Variants in ZNF131 observed in about 807,000 individuals in gnomAD.
ZNF131 encodes zinc finger and BTB domain containing 35, also known as zinc finger protein 131.
In ZNF131, 7 loss-of-function variants were observed where a neutral mutation model predicts 60.0. The observed-to-expected ratio is 0.12, with a 90% CI of 0.07 to 0.22. ZNF131 has a LOEUF of 0.22. Ranked by LOEUF, ZNF131 falls within the 10% of genes least tolerant of loss-of-function variation. The pLI is 1.00. For synonymous variants in ZNF131, 257 were observed against 253.2 expected (o/e 1.01, Z -0.14); for missense variants, 493 against 740.9 (o/e 0.67, Z 3.88).
At chr5:43,150,309 A>G (rs1748136063) in intron 4 of ZNF131, among the ~76,000 whole-genome samples, 2 of 152,216 alleles carry the variant, frequency 1.3e-5, no homozygotes, top group South Asian at 4.1e-4. Context: ...TGTACAGACA[A>G]CTTTGAAAAG....
In ZNF131 at chr5:43,122,728, A is replaced by G. The variant is rs1249576590; in HGVS notation, c.125-481A>G. ...CTGTTTAGCGAAAATAGGTTTCTCA[A>G]GGTAACCTGTTTTTAAAATTATGGG... On this transcript the variant is annotated intron_variant, in intron 2 of 6. Coordinates refer to ENST00000682664, the MANE Select transcript of ZNF131 (RefSeq NM_001330707.2). Among the ~76,000 whole-genome samples the G allele has an allele frequency of 3.9e-5, 6 of 152,348 alleles. No homozygotes were observed. The East Asian group carries it at 9.6e-4, about 24-fold the overall frequency.
Position 43,162,044 on chromosome 5 carries a change from C to G in ZNF131, c.1054+113C>G, listed in dbSNP as rs1561437968. The G allele has an allele frequency of 9.8e-6, 10 of 1,018,052 alleles. No individual in the cohort carries two copies. In the East Asian group the frequency reaches 2.4e-4, roughly 24 times the overall value. 63.1% of individuals were successfully genotyped at this position (1,018,052 alleles called of 1,614,324 possible). On this transcript the variant is annotated intron_variant, in intron 5 of 6. Transcript: ENST00000682664. ...TCAGAAGCCATCTCATGTATTATCT[C>G]TAATGTGTAGGCTAAGTACACGTTT... is the stretch of plus-strand genomic sequence containing the variant.
chr5:43,172,478 C>T (rs1056288652), intron 5 of ZNF131, among the ~76,000 whole-genome samples: 7 of 152,218 alleles, frequency 4.6e-5, no homozygotes, highest in African/African-American at 4.8e-5. Flanking sequence ...AAAAAATAGC[C>T]GGGCGTGCTG....
intron 3 of ZNF131, among the ~76,000 whole-genome samples, chr5:43,138,142 A>T (rs1238924285): frequency 3.3e-5 from 5 of 152,240 alleles, no homozygotes; most frequent in African/African-American, 1.2e-4. Flanking sequence ...ATTGCGCAAG[A>T]TGAATAAACT....
chr5:43,144,233 CTTTCTTTTTTTTTTTTTT>C (rs1308933894), intron 4 of ZNF131, among the ~76,000 whole-genome samples: 1 of 82,432 alleles, frequency 1.2e-5, no homozygotes, highest in African/African-American at 4.5e-5. Flanking sequence ...TTTTTTCTTT[CTTTCTTTTTTTTTTTTTT>C]TTTTTTTTTT....
chr5:43,171,690 T>A (rs2112108557), intron 5 of ZNF131, among the ~76,000 whole-genome samples: 1 of 152,346 alleles, frequency 6.6e-6, no homozygotes, highest in Non-Finnish European at 1.5e-5. Flanking sequence ...TGGTGTGATC[T>A]CAGCCTACTG....
chr5:43,130,134 C>T (rs558051411), intron 3 of ZNF131, among the ~76,000 whole-genome samples: 10 of 151,152 alleles, frequency 6.6e-5, no homozygotes, highest in Non-Finnish European at 1.3e-4. Flanking sequence ...CATGGCAGCG[C>T]GTGCCTGTAG....
chr5:43,148,746 C>T (rs928760189), intron 4 of ZNF131, among the ~76,000 whole-genome samples: 1 of 152,150 alleles, frequency 6.6e-6, no homozygotes, highest in Non-Finnish European at 1.5e-5. Context: ...ATTTTTAAAA[C>T]TTTAATAAGG....
intron 3 of ZNF131, 121 bp downstream of exon 3, chr5:43,123,431 A>C (rs1654899527): frequency 3.9e-6 from 3 of 773,176 alleles, no homozygotes; most frequent in East Asian, 5.8e-5. Context: ...GTTTATCAAG[A>C]CACCATAGGA....
At chr5:43,138,354 G>GT (rs1746395187) in intron 3 of ZNF131, among the ~76,000 whole-genome samples, 1 of 152,138 alleles carries the variant, frequency 6.6e-6, no homozygotes, top group Admixed American at 6.6e-5. Context: ...CTAGGAGGGT[G>GT]TTAATAAAGG....
In ZNF131 at chr5:43,160,678, C is replaced by CTTTTTTTTTTTTTTTTTT. The variant is rs71608692; in HGVS notation, c.372-566_372-549dup. On this transcript the variant is annotated intron_variant, in intron 4 of 6. Coordinates refer to ENST00000682664, the MANE Select transcript of ZNF131 (RefSeq NM_001330707.2). ...TCACTGTTAAATGATTAGCTTGGAA[C>CTTTTTTTTTTTTTTTTTT]TTTTTTTTTTTTTTTTTTTTTTGAG... is the stretch of plus-strand genomic sequence containing the variant. 2.0e-4 allele frequency among the ~76,000 whole-genome samples: 19 copies of CTTTTTTTTTTTTTTTTTT among 93,038 alleles called. 2 individuals are homozygous for CTTTTTTTTTTTTTTTTTT. The highest frequency in any genetic ancestry group is 2.7e-4 in the Non-Finnish European group (13 of 47,492). 61.0% of individuals were successfully genotyped at this position (93,038 alleles called of 152,430 possible). A position where few individuals can be genotyped will look rare whatever the true frequency, so the allele number is the denominator to read the frequency against.
rs960086184 is a variant in ZNF131, at chr5:43,175,177, G to C, written c.*44G>C. 1 of 1,528,712 alleles carries C rather than the reference G, an allele frequency of 6.5e-7. No homozygotes were observed. Among genetic ancestry groups the C allele is most frequent in the Non-Finnish European group, 8.8e-7 (1 of 1,138,882 alleles). 94.7% of individuals were successfully genotyped at this position (1,528,712 alleles called of 1,614,324 possible). On this transcript the variant is annotated 3_prime_UTR_variant, in exon 7 of 7. Transcript: ENST00000682664. ...TTTTAAATTTACTTGTTGGGTTTTTGAACTGATTATGGGCAGTTTGACTGT... is the reference window on the plus strand; with the variant it reads ...TTTTAAATTTACTTGTTGGGTTTTTCAACTGATTATGGGCAGTTTGACTGT...
chr5:43,145,482 G>A (rs1187235561), intron 4 of ZNF131, among the ~76,000 whole-genome samples: 5 of 151,966 alleles, frequency 3.3e-5, no homozygotes, highest in African/African-American at 7.3e-5. Context: ...GTGAAACATC[G>A]TCTTTACTAA....
intron 3 of ZNF131, among the ~76,000 whole-genome samples, chr5:43,137,506 A>G (rs34622872): frequency 6.6e-6 from 1 of 152,144 alleles, no homozygotes. Flanking sequence ...CAGTGTCACT[A>G]GGCATCAAGG....
intron 4 of ZNF131, among the ~76,000 whole-genome samples, chr5:43,152,028 T>C (rs1032702334): frequency 6.6e-6 from 1 of 151,150 alleles, no homozygotes; most frequent in Admixed American, 6.6e-5. Flanking sequence ...TTTATTGAGA[T>C]GGAGTCCCGC....
At chr5:43,156,942 T>G (rs1320528724) in intron 4 of ZNF131, among the ~76,000 whole-genome samples, 1 of 151,742 alleles carries the variant, frequency 6.6e-6, no homozygotes, top group Non-Finnish European at 1.5e-5. Context: ...TTCGTTTGCC[T>G]GGTTTTAACA....
chr5:43,166,322 C>T (rs1750340293), intron 5 of ZNF131, among the ~76,000 whole-genome samples: 1 of 151,868 alleles, frequency 6.6e-6, no homozygotes, highest in South Asian at 2.1e-4. Flanking sequence ...TCACAGGCTT[C>T]ATCACTTCTG....
intron 5 of ZNF131, chr5:43,167,900 T>G: frequency 2.3e-6 from 1 of 442,058 alleles, no homozygotes; most frequent in Non-Finnish European, 4.5e-6. Flanking sequence ...ACTGGAGAAT[T>G]TATAAAGAAA....
At chr5:43,168,805 T>A (rs1054047529) in intron 5 of ZNF131, among the ~76,000 whole-genome samples, 2 of 152,008 alleles carry the variant, frequency 1.3e-5, no homozygotes, top group African/African-American at 4.8e-5. Context: ...AAAGAGAGAT[T>A]TGAGTAACAT....
Sources: allele counts gnomAD v4.1 joint callset (sites outside exome capture counted in the v4.1 genomes callset), GRCh38; gene constraint gnomAD v4.1.1; transcripts MANE v1.5; gene names NCBI Gene and HGNC (gene_info 2026-07-23, HGNC 2026-07-21).